Variants in PLPPR5 observed in about 807,000 individuals in gnomAD.
PLPPR5 encodes the protein phospholipid phosphatase-related protein type 5.
In PLPPR5, 16 loss-of-function variants were observed where a neutral mutation model predicts 33.9. The ratio of observed to expected loss-of-function variants is 0.47; its 90% CI spans 0.32 to 0.72. The LOEUF is 0.72. Ranked by LOEUF, PLPPR5 falls within the 30% of genes least tolerant of loss-of-function variation. The probability of loss-of-function intolerance (pLI) is 0.03; values close to 1 mark genes in which losing one functional copy is unlikely to be tolerated. For missense variants in PLPPR5, 301 were observed against 406.7 expected (o/e 0.74, Z 2.23); for synonymous variants, 163 against 150.3 (o/e 1.08, Z -0.62).
At chr1:98,979,114 C>CTA (rs1651968809) in intron 1 of PLPPR5, among the ~76,000 whole-genome samples, 1 of 152,050 alleles carries the variant, frequency 6.6e-6, no homozygotes, top group Non-Finnish European at 1.5e-5. Flanking sequence ...CCCAGGCATT[C>CTA]TTCTAGGTAC....
intron 1 of PLPPR5, among the ~76,000 whole-genome samples, chr1:98,972,255 C>T (rs1429427044): frequency 1.3e-5 from 2 of 152,058 alleles, no homozygotes; most frequent in Non-Finnish European, 2.9e-5. Flanking sequence ...CAATCCAATA[C>T]CAAATGGTGA....
At chr1:98,952,654 TC>T (rs1490653058) in intron 3 of PLPPR5, among the ~76,000 whole-genome samples, 1 of 152,206 alleles carries the variant, frequency 6.6e-6, no homozygotes, top group Non-Finnish European at 1.5e-5. Flanking sequence ...AATAGTGCTT[TC>T]TAGAAAAAAA....
At chr1:98,979,062 TACTC>T (rs1192910882) in intron 1 of PLPPR5, among the ~76,000 whole-genome samples, 1 of 152,064 alleles carries the variant, frequency 6.6e-6, no homozygotes, top group East Asian at 1.9e-4. Flanking sequence ...TTTCACCTGA[TACTC>T]ATTTATACGT....
intron 1 of PLPPR5, among the ~76,000 whole-genome samples, chr1:98,988,914 C>T (rs979213767): frequency 6.6e-6 from 1 of 152,042 alleles, no homozygotes; most frequent in Non-Finnish European, 1.5e-5. Context: ...ACTAAGGAAT[C>T]CTTTAGTCCA....
chr1:98,921,592 T>C (rs879655327), intron 4 of PLPPR5, among the ~76,000 whole-genome samples: 1 of 152,192 alleles, frequency 6.6e-6, no homozygotes, highest in Non-Finnish European at 1.5e-5. Flanking sequence ...TAAAAACTAT[T>C]TGGGAGGGAC....
intron 1 of PLPPR5, among the ~76,000 whole-genome samples, chr1:98,986,916 GATGATTCCCT>G (rs1652282993): frequency 6.6e-6 from 1 of 151,742 alleles, no homozygotes; most frequent in Non-Finnish European, 1.5e-5. Context: ...CTGCTATCAA[GATGATTCCCT>G]ATGCTTCAAA....
At position 98,908,347 on chromosome 1, in the gene PLPPR5, G is replaced by A. The variant is rs72977826; in HGVS notation, c.933+6439C>T. ...AAATTTACTGTAGTTTTCACTCTTGGTGACACAGCTATAAAGATATTAATT... is the reference window on the plus strand; with the variant it reads ...AAATTTACTGTAGTTTTCACTCTTGATGACACAGCTATAAAGATATTAATT... On this transcript the variant is annotated intron_variant, in intron 5 of 5. Transcript: ENST00000263177. Among the ~76,000 whole-genome samples, 169 of 152,206 alleles carry A rather than the reference G, an allele frequency of 1.1e-3. 1 individual carries two copies. Among genetic ancestry groups the A allele is most frequent in the African/African-American group, 3.9e-3 (163 of 41,536 alleles).
At chr1:98,926,645 C>A (rs987342019) in intron 3 of PLPPR5, among the ~76,000 whole-genome samples, 5 of 151,944 alleles carry the variant, frequency 3.3e-5, no homozygotes, top group Non-Finnish European at 7.4e-5. Context: ...TTATTGTTTT[C>A]AAAAAATATT....
chr1:98,998,492 C>T (rs1652708124), intron 1 of PLPPR5, among the ~76,000 whole-genome samples: 1 of 152,152 alleles, frequency 6.6e-6, no homozygotes, highest in South Asian at 2.1e-4. Flanking sequence ...ATTTCCTACA[C>T]CACCCATTGA....
At chr1:98,959,047 C>CA (rs1459181664) in intron 1 of PLPPR5, among the ~76,000 whole-genome samples, 3 of 152,110 alleles carry the variant, frequency 2.0e-5, no homozygotes, top group Admixed American at 1.3e-4. Context: ...ATCACATTTT[C>CA]AAAAAACCGT....
chr1:98,960,644 C>T (rs762251719), intron 1 of PLPPR5, among the ~76,000 whole-genome samples: 1 of 152,162 alleles, frequency 6.6e-6, no homozygotes, highest in African/African-American at 2.4e-5. Context: ...AGGGTAGACA[C>T]AAGCAAATTG....
Position 99,004,732 on chromosome 1 carries a change from C to T in PLPPR5, c.-61G>A. The T allele has an allele frequency of 8.7e-7, 1 of 1,149,882 alleles. No homozygotes were observed. The highest frequency in any genetic ancestry group is 1.1e-6 in the Non-Finnish European group (1 of 900,326). 71.2% of individuals were successfully genotyped at this position (1,149,882 alleles called of 1,614,324 possible). ...GGGCGGTCGACGCGGTGGGCCCCCTCCCCGGTCCGCCGAGGCAGCCACCGG... is the reference window on the plus strand; with the variant it reads ...GGGCGGTCGACGCGGTGGGCCCCCTTCCCGGTCCGCCGAGGCAGCCACCGG... On this transcript the variant is annotated 5_prime_UTR_variant, in exon 1 of 6. Transcript: ENST00000263177.
intron 3 of PLPPR5, among the ~76,000 whole-genome samples, chr1:98,941,555 A>ATT (rs60843673): frequency 1.3e-5 from 2 of 148,162 alleles, no homozygotes; most frequent in African/African-American, 4.9e-5. Flanking sequence ...TGGTTGTGGG[A>ATT]TTTTTTTTTT....
intron 2 of PLPPR5, among the ~76,000 whole-genome samples, chr1:98,953,813 G>A (rs1650897213): frequency 6.6e-6 from 1 of 152,162 alleles, no homozygotes; most frequent in African/African-American, 2.4e-5. Flanking sequence ...GTGCCAATTA[G>A]CAGTAAATCC....
At chr1:98,966,781 C>T (rs890043524) in intron 1 of PLPPR5, among the ~76,000 whole-genome samples, 2 of 152,160 alleles carry the variant, frequency 1.3e-5, no homozygotes, top group Non-Finnish European at 2.9e-5. Flanking sequence ...AAGCTGCCAT[C>T]CCACCCACTG....
intron 3 of PLPPR5, among the ~76,000 whole-genome samples, chr1:98,930,259 A>T (rs1649916224): frequency 6.6e-6 from 1 of 152,216 alleles, no homozygotes; most frequent in Non-Finnish European, 1.5e-5. Context: ...TATAACAATA[A>T]AAGCATATTT....
intron 1 of PLPPR5, among the ~76,000 whole-genome samples, chr1:98,957,237 G>A (rs946498573): frequency 4.0e-5 from 6 of 151,486 alleles, no homozygotes; most frequent in South Asian, 2.1e-4. Context: ...CCTAATGCTA[G>A]ATGACGAGTT....
chr1:98,956,917 A>T (rs1651030632), intron 1 of PLPPR5, among the ~76,000 whole-genome samples, 176 bp from the exon 2 acceptor site: 1 of 152,138 alleles, frequency 6.6e-6, no homozygotes, highest in Non-Finnish European at 1.5e-5. Context: ...TATGTATGTA[A>T]ACCATATTTT....
intron 5 of PLPPR5, among the ~76,000 whole-genome samples, chr1:98,911,069 C>T (rs1649128367): frequency 6.6e-6 from 1 of 152,134 alleles, no homozygotes; most frequent in East Asian, 1.9e-4. Flanking sequence ...AACACAAATA[C>T]ATGTCCTCTC....
Sources: allele counts gnomAD v4.1 joint callset (sites outside exome capture counted in the v4.1 genomes callset), GRCh38; gene constraint gnomAD v4.1.1; transcripts MANE v1.5; gene names NCBI Gene and HGNC (gene_info 2026-07-23, HGNC 2026-07-21).